The following KIAA1217 variants were observed in gnomAD, a reference collection of about 807,000 sequenced individuals.
KIAA1217 encodes the protein KIAA1217, also known as sickle tail protein homolog.
KIAA1217 carries 88 observed loss-of-function variants against 163.9 expected under a neutral mutation model. The observed-to-expected ratio is 0.54, with a 90% CI of 0.45 to 0.64. The LOEUF (loss-of-function observed/expected upper bound fraction) is 0.64. Among genes scored for constraint, KIAA1217 ranks in the 30% least tolerant of loss-of-function variants. The pLI is 0.00. For missense variants in KIAA1217, 2,372 were observed against 2,475.0 expected (o/e 0.96, Z 0.88); for synonymous variants, 903 against 923.1 (o/e 0.98, Z 0.39).
At chr10:24,392,617 A>C (rs2055133816) in intron 3 of KIAA1217, among the ~76,000 whole-genome samples, 1 of 151,998 alleles carries the variant, frequency 6.6e-6, no homozygotes, top group Non-Finnish European at 1.5e-5. Context: ...GAATGGCAAA[A>C]GAGAGTTAGA....
At chr10:24,257,194 C>T (rs541885021) in intron 2 of KIAA1217, among the ~76,000 whole-genome samples, 7 of 152,220 alleles carry the variant, frequency 4.6e-5, no homozygotes, top group Admixed American at 2.6e-4. Context: ...AATATTCTGT[C>T]CAGAGAGGCT....
chr10:23,988,272 G>A (rs757129483), intron 1 of KIAA1217, among the ~76,000 whole-genome samples: 11 of 152,318 alleles, frequency 7.2e-5, no homozygotes, highest in Admixed American at 2.6e-4. Flanking sequence ...GCGAGCAGGC[G>A]TCTGGGCTTT....
At chr10:24,300,141 G>A (rs1363889111) in intron 2 of KIAA1217, among the ~76,000 whole-genome samples, 4 of 152,204 alleles carry the variant, frequency 2.6e-5, no homozygotes, top group Non-Finnish European at 5.9e-5. Flanking sequence ...CTGGGCATCT[G>A]CAGAGACTCC....
In KIAA1217 at chr10:23,748,461, CAAGG is replaced by C. The variant is rs763422691; in HGVS notation, c.-321+53254_-321+53257del. ...TTCTGGAAGGAAGGAAGGAAGGAAG[CAAGG>C]AAGGAAGGAAGGAAGGAAGGAAGGA... On this transcript the variant is annotated intron_variant, in intron 1 of 18. Coordinates refer to the KIAA1217 transcript ENST00000376462. Among the ~76,000 whole-genome samples the C allele has an allele frequency of 7.4e-3, 994 of 133,582 alleles. 14 individuals are homozygous for C. The highest frequency in any genetic ancestry group is 0.044 in the East Asian group (202 of 4,556). The allele number at this position is 133,582 out of a possible 152,430, so 87.6% of individuals were successfully genotyped here.
At chr10:24,369,787 G>A (rs1223628056) in intron 2 of KIAA1217, among the ~76,000 whole-genome samples, 1 of 152,156 alleles carries the variant, frequency 6.6e-6, no homozygotes, top group African/African-American at 2.4e-5. Context: ...CTTTTAAAGT[G>A]CATTCCTGAC....
chr10:23,894,578 T>G (rs1841587534), intron 1 of KIAA1217, among the ~76,000 whole-genome samples: 1 of 150,192 alleles, frequency 6.7e-6, no homozygotes, highest in Admixed American at 6.7e-5. Flanking sequence ...AGGTAATGGA[T>G]AGATTCAATG....
chr10:24,348,054 A>G (rs749769605), intron 2 of KIAA1217, among the ~76,000 whole-genome samples: 5 of 152,226 alleles, frequency 3.3e-5, no homozygotes, highest in Admixed American at 6.5e-5. Flanking sequence ...ATATGAACTT[A>G]AGATACAATT....
chr10:24,277,840 G>A (rs1257729870), intron 2 of KIAA1217, among the ~76,000 whole-genome samples: 1 of 152,200 alleles, frequency 6.6e-6, no homozygotes. Context: ...TAATACAGTA[G>A]GTTTTCCTGA....
intron 1 of KIAA1217, among the ~76,000 whole-genome samples, chr10:23,729,082 C>T (rs1282786106): frequency 6.6e-6 from 1 of 152,166 alleles, no homozygotes; most frequent in East Asian, 1.9e-4. Flanking sequence ...CTTTTATCTG[C>T]TCACATGCAG....
At chr10:24,363,854 G>A (rs191930105) in intron 2 of KIAA1217, among the ~76,000 whole-genome samples, 1 of 152,220 alleles carries the variant, frequency 6.6e-6, no homozygotes, top group South Asian at 2.1e-4. Flanking sequence ...TTACAGGCAT[G>A]GGCCACCGCA....
intron 1 of KIAA1217, among the ~76,000 whole-genome samples, chr10:23,940,669 T>G (rs1476401463): frequency 6.6e-6 from 1 of 152,130 alleles, no homozygotes; most frequent in Non-Finnish European, 1.5e-5. Flanking sequence ...GGAATTTTAC[T>G]AAGATAGGTC....
chr10:23,918,733 T>TATACACACAC (rs769797460), intron 1 of KIAA1217, among the ~76,000 whole-genome samples: 11 of 147,582 alleles, frequency 7.5e-5, no homozygotes, highest in African/African-American at 2.7e-4. Context: ...ATTAAATATA[T>TATACACACAC]ACACACACAC....
chr10:24,110,134 T>A (rs745456346), intron 2 of KIAA1217, among the ~76,000 whole-genome samples: 7 of 152,172 alleles, frequency 4.6e-5, no homozygotes, highest in Non-Finnish European at 1.0e-4. Flanking sequence ...ATTACTTGAG[T>A]TTGTATAAGA....
rs542368885 is a variant in KIAA1217 at position 24,024,547 on chromosome 10, G to T, written c.-171+17173G>T. Among the ~76,000 whole-genome samples the T allele has an allele frequency of 2.6e-5, 4 of 151,656 alleles. No homozygotes were observed. The South Asian group carries it at 8.3e-4, about 31-fold the overall frequency. ...GATGAGTATTTGAGTAATTCTACAT[G>T]TGGATATAAATTTTAATTTTTCTTG... On this transcript the variant is annotated intron_variant, in intron 2 of 18. Coordinates refer to the KIAA1217 transcript ENST00000376462.
chr10:24,189,157 T>C (rs906879881), intron 2 of KIAA1217, among the ~76,000 whole-genome samples: 1 of 150,148 alleles, frequency 6.7e-6, no homozygotes, highest in African/African-American at 2.5e-5. Context: ...TCACCTGGAA[T>C]CTGGGGATGA....
At chr10:24,541,798 A>T (rs1367219829) in intron 17 of KIAA1217, among the ~76,000 whole-genome samples, 1 of 152,234 alleles carries the variant, frequency 6.6e-6, no homozygotes, top group Non-Finnish European at 1.5e-5. Context: ...TCTTCAGTCT[A>T]CACTGGAAAA....
At chr10:23,837,200 T>C (rs935598964) in intron 1 of KIAA1217, among the ~76,000 whole-genome samples, 9 of 152,184 alleles carry the variant, frequency 5.9e-5, no homozygotes, top group Non-Finnish European at 1.2e-4. Flanking sequence ...TTCAGACTTT[T>C]TTATGGCAGC....
intron 2 of KIAA1217, among the ~76,000 whole-genome samples, chr10:24,230,657 G>T (rs536193099): frequency 1.3e-5 from 2 of 152,034 alleles, no homozygotes; most frequent in African/African-American, 4.8e-5. Context: ...GATTACAGGT[G>T]CCTGCAACCA....
At chr10:24,335,463 G>C (rs372155284) in intron 2 of KIAA1217, among the ~76,000 whole-genome samples, 1 of 151,210 alleles carries the variant, frequency 6.6e-6, no homozygotes, top group Non-Finnish European at 1.5e-5. Flanking sequence ...CGGCTAATGG[G>C]TATGGAGTTT....
Sources: allele counts gnomAD v4.1 joint callset (sites outside exome capture counted in the v4.1 genomes callset), GRCh38; gene constraint gnomAD v4.1.1; transcripts MANE v1.5; gene names NCBI Gene and HGNC (gene_info 2026-07-23, HGNC 2026-07-21).